AUTS2: variants seen among roughly 807,000 people sequenced by gnomAD.
AUTS2 encodes activator of transcription and developmental regulator AUTS2.
Under a neutral mutation model 112.4 loss-of-function variants are expected in AUTS2, and 17 were observed. That is an observed-to-expected ratio of 0.15 (90% confidence interval 0.10 to 0.23). The LOEUF is 0.23. AUTS2 is among the 10% of genes least tolerant of loss of function. The pLI, the probability that AUTS2 is intolerant of heterozygous loss-of-function variation, is 1.00. For missense variants in AUTS2, 1,510 were observed against 1,701.6 expected, an observed-to-expected ratio of 0.89 and a Z score of 1.98; for synonymous variants, 751 against 702.7, an observed-to-expected ratio of 1.07 and a Z score of -1.09.
At chr7:70,342,329 T>C (rs1791302175) in intron 4 of AUTS2, among the ~76,000 whole-genome samples, 2 of 152,102 alleles carry the variant, frequency 1.3e-5, no homozygotes, top group African/African-American at 4.8e-5. Flanking sequence ...TTTTCTTTTT[T>C]TTTTTTTGCG....
chr7:69,739,286 C>A (rs1787165220), intron 1 of AUTS2, among the ~76,000 whole-genome samples: 1 of 152,132 alleles, frequency 6.6e-6, no homozygotes, highest in Admixed American at 6.5e-5. Context: ...AGGATGAAAT[C>A]ATACATTTAA....
intron 4 of AUTS2, chr7:70,293,830 C>T (rs557258994): frequency 6.6e-6 from 1 of 152,270 alleles, no homozygotes; most frequent in African/African-American, 2.4e-5. Context: ...CATAATATTC[C>T]ACCTCTTTGG....
At chr7:69,652,581 G>T (rs965432374) in intron 1 of AUTS2, among the ~76,000 whole-genome samples, 3 of 152,044 alleles carry the variant, frequency 2.0e-5, no homozygotes, top group East Asian at 3.9e-4. Flanking sequence ...GCTCTTGCCT[G>T]TTTCTACAGG....
chr7:70,409,668 T>C (rs969048149), intron 4 of AUTS2, among the ~76,000 whole-genome samples: 4 of 152,214 alleles, frequency 2.6e-5, no homozygotes, highest in Non-Finnish European at 5.9e-5. Flanking sequence ...CTGTTAAATC[T>C]TAACTGCCTT....
At chr7:70,133,942 T>G (rs150845318) in intron 3 of AUTS2, among the ~76,000 whole-genome samples, 38 of 152,328 alleles carry the variant, frequency 2.5e-4, no homozygotes, top group African/African-American at 9.1e-4. Flanking sequence ...CTGCTCCTCT[T>G]GGCCCACACA....
intron 1 of AUTS2, among the ~76,000 whole-genome samples, chr7:69,859,501 A>G (rs558095391): frequency 2.6e-5 from 4 of 152,232 alleles, no homozygotes; most frequent in African/African-American, 9.6e-5. Context: ...TTAGTCTCAG[A>G]CTCATATTCA....
intron 4 of AUTS2, among the ~76,000 whole-genome samples, chr7:70,357,601 A>C (rs568938386): frequency 4.6e-5 from 7 of 152,102 alleles, no homozygotes; most frequent in Non-Finnish European, 1.0e-4. Flanking sequence ...CCTCCCTTCC[A>C]AAAGCCTCAG....
intron 1 of AUTS2, among the ~76,000 whole-genome samples, chr7:69,769,035 T>C (rs1788549034): frequency 6.6e-6 from 1 of 152,090 alleles, no homozygotes; most frequent in Non-Finnish European, 1.5e-5. Context: ...GAAGGAAAAA[T>C]TAACAAACAC....
At chr7:70,777,361 C>G in intron 14 of AUTS2, 187 bp downstream of exon 14, 1 of 616,026 alleles carries the variant, frequency 1.6e-6, no homozygotes, top group South Asian at 1.9e-5. Context: ...CAGGGTCTCA[C>G]TCTGTTGCCC....
At chr7:69,985,244 AAAAG>A (rs1262548828) in intron 2 of AUTS2, among the ~76,000 whole-genome samples, 67 of 151,362 alleles carry the variant, frequency 4.4e-4, no homozygotes, top group Non-Finnish European at 8.4e-4. Flanking sequence ...AAAAAAAAAA[AAAAG>A]AAAGGAAAAG....
At chr7:70,740,372 A>G (rs980295430) in intron 6 of AUTS2, among the ~76,000 whole-genome samples, 8 of 152,114 alleles carry the variant, frequency 5.3e-5, no homozygotes, top group African/African-American at 1.9e-4. Context: ...TTGGAGATTC[A>G]TATTCTGTCA....
At chr7:70,364,102 T>C (rs1729120666) in intron 4 of AUTS2, among the ~76,000 whole-genome samples, 2 of 152,170 alleles carry the variant, frequency 1.3e-5, no homozygotes. Context: ...GCCAAGTTGA[T>C]GGTGATCATA....
At chr7:70,768,186 T>A (rs1025255050) in intron 10 of AUTS2, 118 bp downstream of exon 10, 58 of 965,504 alleles carry the variant, frequency 6.0e-5, no homozygotes, top group Non-Finnish European at 8.9e-5. Flanking sequence ...GAGTTCCCAT[T>A]GCTCCTCGCC....
At chr7:70,234,605 T>C (rs947207376) in intron 4 of AUTS2, among the ~76,000 whole-genome samples, 3 of 152,180 alleles carry the variant, frequency 2.0e-5, no homozygotes, top group African/African-American at 7.2e-5. Context: ...TCTTTCCCCC[T>C]TTAAAGATAA....
chr7:69,976,399 C>T (rs1798060329), intron 2 of AUTS2, among the ~76,000 whole-genome samples: 1 of 152,134 alleles, frequency 6.6e-6, no homozygotes, highest in African/African-American at 2.4e-5. Flanking sequence ...TCCATTCATC[C>T]ATTGGACATT....
intron 1 of AUTS2, among the ~76,000 whole-genome samples, chr7:69,761,290 G>GT (rs1788174729): frequency 6.6e-6 from 1 of 152,174 alleles, no homozygotes; most frequent in Admixed American, 6.5e-5. Flanking sequence ...CTGTTAGTGT[G>GT]TTTGCTGTAT....
chr7:70,715,019 G>A (rs1292421187), intron 6 of AUTS2, among the ~76,000 whole-genome samples: 1 of 152,238 alleles, frequency 6.6e-6, no homozygotes, highest in Non-Finnish European at 1.5e-5. Context: ...AGAGATGGCA[G>A]AGGGTGACTT....
intron 1 of AUTS2, among the ~76,000 whole-genome samples, chr7:69,614,332 C>CT (rs780046087): frequency 1.8e-5 from 1 of 57,064 alleles, no homozygotes; most frequent in Non-Finnish European, 3.9e-5. Context: ...TTCTTTCTTT[C>CT]TTTCTTTCTT....
In AUTS2 at chr7:69,763,541, A is replaced by G. The variant is rs374246101; in HGVS notation, c.310-135745A>G. On this transcript the variant is annotated intron_variant, in intron 1 of 18. Transcript: ENST00000342771. ...TCCTGACTACTCCCACCTGGCCATC[A>G]TATCATCTTTCTCCATTAGATTTCA... 2.9e-4 allele frequency among the ~76,000 whole-genome samples: 44 copies of G among 152,250 alleles called. No homozygotes were observed. The South Asian group carries it at 9.1e-3, about 32-fold the overall frequency.
Sources: allele counts gnomAD v4.1 joint callset (sites outside exome capture counted in the v4.1 genomes callset), GRCh38; gene constraint gnomAD v4.1.1; transcripts MANE v1.5; gene names NCBI Gene and HGNC (gene_info 2026-07-23, HGNC 2026-07-21).